NEGR1: variants seen among roughly 807,000 people sequenced by gnomAD.
The protein encoded by NEGR1 is neuronal growth regulator 1.
Under a neutral mutation model 40.9 loss-of-function variants are expected in NEGR1, and 10 were observed. The observed-to-expected ratio is 0.24, with a 90% confidence interval of 0.15 to 0.42. NEGR1 has a LOEUF of 0.42. Ranked by LOEUF, NEGR1 falls within the 10% of genes least tolerant of loss-of-function variation. The probability of loss-of-function intolerance (pLI) is 1.00; values close to 1 mark genes in which losing one functional copy is unlikely to be tolerated. For missense variants in NEGR1, 352 were observed against 438.9 expected (o/e 0.80, Z 1.77); for synonymous variants, 185 against 166.8 (o/e 1.11, Z -0.84).
intron 1 of NEGR1, among the ~76,000 whole-genome samples, chr1:72,264,637 T>C (rs1279988661): frequency 6.6e-6 from 1 of 150,702 alleles, no homozygotes; most frequent in African/African-American, 2.4e-5. Context: ...AACATATATA[T>C]GGAAACTAAA....
At chr1:72,112,497 T>C (rs1362448292) in intron 1 of NEGR1, among the ~76,000 whole-genome samples, 1 of 151,756 alleles carries the variant, frequency 6.6e-6, no homozygotes, top group Non-Finnish European at 1.5e-5. Flanking sequence ...TCTGAAACAA[T>C]GTATTATTTG....
chr1:71,922,293 G>A (rs1467402114), intron 2 of NEGR1, among the ~76,000 whole-genome samples: 2 of 152,150 alleles, frequency 1.3e-5, no homozygotes, highest in South Asian at 2.1e-4. Flanking sequence ...TCTCTTGCCA[G>A]TATCTCCCAT....
intron 2 of NEGR1, among the ~76,000 whole-genome samples, chr1:71,781,080 T>C (rs969397366): frequency 2.0e-5 from 3 of 152,326 alleles, no homozygotes; most frequent in Non-Finnish European, 2.9e-5. Flanking sequence ...TTCTGATGTA[T>C]AGAAATAAAT....
intron 3 of NEGR1, among the ~76,000 whole-genome samples, chr1:71,764,554 A>C (rs1269831137): frequency 6.6e-6 from 1 of 152,180 alleles, no homozygotes; most frequent in African/African-American, 2.4e-5. Context: ...CAGCAGAGAC[A>C]ACTCGCAACA....
intron 4 of NEGR1, among the ~76,000 whole-genome samples, chr1:71,651,466 T>C (rs1411671079): frequency 6.6e-6 from 1 of 152,180 alleles, no homozygotes; most frequent in Non-Finnish European, 1.5e-5. Flanking sequence ...CAGTATTATA[T>C]TGAGTTACTG....
intron 1 of NEGR1, among the ~76,000 whole-genome samples, chr1:72,046,754 C>A (rs1249108700): frequency 6.6e-6 from 1 of 151,528 alleles, no homozygotes; most frequent in Non-Finnish European, 1.5e-5. Context: ...ATAAAAATAG[C>A]TCAAATATGC....
intron 6 of NEGR1, among the ~76,000 whole-genome samples, chr1:71,530,468 C>T (rs1341135993): frequency 2.6e-5 from 4 of 151,284 alleles, no homozygotes; most frequent in Non-Finnish European, 5.9e-5. Context: ...GCTATAACCA[C>T]ATACTCTTTA....
chr1:71,819,891 C>G (rs1658363248), intron 2 of NEGR1, among the ~76,000 whole-genome samples: 1 of 151,900 alleles, frequency 6.6e-6, no homozygotes, highest in Non-Finnish European at 1.5e-5. Context: ...CAGAAGACAC[C>G]AAGGCCATTA....
At chr1:71,903,824 T>TTA (rs887685330) in intron 2 of NEGR1, among the ~76,000 whole-genome samples, 53 of 150,596 alleles carry the variant, frequency 3.5e-4, no homozygotes, top group Admixed American at 1.1e-3. Context: ...TCTCTCTCTA[T>TTA]TATATATATA....
chr1:71,746,563 T>A (rs1462222903), intron 3 of NEGR1, among the ~76,000 whole-genome samples: 1 of 150,254 alleles, frequency 6.7e-6, no homozygotes, highest in Non-Finnish European at 1.5e-5. Flanking sequence ...GAAATCTTCT[T>A]TTTTTTTTTC....
At chr1:72,200,008 C>A (rs547902992) in intron 1 of NEGR1, among the ~76,000 whole-genome samples, 1 of 151,776 alleles carries the variant, frequency 6.6e-6, no homozygotes, top group South Asian at 2.1e-4. Context: ...TGGTTATAAT[C>A]AAAACATCAA....
At chr1:72,246,849 G>C (rs1654919665) in intron 1 of NEGR1, among the ~76,000 whole-genome samples, 3 of 152,186 alleles carry the variant, frequency 2.0e-5, no homozygotes, top group African/African-American at 7.2e-5. Context: ...TGGACAAACA[G>C]GCTTTCTCAT....
At chr1:71,588,243 A>T (rs1415863446) in intron 6 of NEGR1, among the ~76,000 whole-genome samples, 1 of 152,138 alleles carries the variant, frequency 6.6e-6, no homozygotes, top group South Asian at 2.1e-4. Flanking sequence ...GAAGCAAAAA[A>T]CGCACTGAAA....
At chr1:71,712,048 G>T (rs1231533919) in intron 3 of NEGR1, among the ~76,000 whole-genome samples, 1 of 152,146 alleles carries the variant, frequency 6.6e-6, no homozygotes, top group Non-Finnish European at 1.5e-5. Flanking sequence ...TTGAAGGATA[G>T]CTGAGGGAAT....
chr1:72,257,053 T>G (rs1050218638), intron 1 of NEGR1, among the ~76,000 whole-genome samples: 3 of 152,148 alleles, frequency 2.0e-5, no homozygotes, highest in African/African-American at 7.2e-5. Flanking sequence ...CCGGGCGCGG[T>G]GGCTCACGCC....
At position 72,111,091 on chromosome 1, in the gene NEGR1, C is replaced by T. The variant is rs888129898; in HGVS notation, c.176+171228G>A. Among the ~76,000 whole-genome samples, 471 of 148,690 alleles carry T rather than the reference C, an allele frequency of 3.2e-3. 3 individuals carry two copies. Among genetic ancestry groups the T allele is most frequent in the East Asian group, 0.025 (125 of 5,064 alleles). Reference sequence around the variant, plus strand: ...ACATACACATATATATATATACACACACACACACACACACACACACGTATA... The same window carrying T: ...ACATACACATATATATATATACACATACACACACACACACACACACGTATA... On this transcript the variant is annotated intron_variant, in intron 1 of 6. Transcript: ENST00000357731.
At chr1:72,158,648 C>T (rs1349943287) in intron 1 of NEGR1, among the ~76,000 whole-genome samples, 1 of 152,140 alleles carries the variant, frequency 6.6e-6, no homozygotes, top group Non-Finnish European at 1.5e-5. Context: ...TTAAGTCAGA[C>T]AGAACTGGCA....
intron 2 of NEGR1, among the ~76,000 whole-genome samples, chr1:71,886,467 AAAAC>A (rs1167137951): frequency 6.6e-6 from 1 of 151,722 alleles, no homozygotes; most frequent in African/African-American, 2.4e-5. Flanking sequence ...GAAAAAAAAA[AAAAC>A]AAAGGAAGGA....
At chr1:71,426,536 T>A (rs1311110462) in intron 6 of NEGR1, among the ~76,000 whole-genome samples, 1 of 148,164 alleles carries the variant, frequency 6.7e-6, no homozygotes, top group Non-Finnish European at 1.5e-5. Context: ...TGGTATTTCA[T>A]CTTATCATAT....
Sources: allele counts gnomAD v4.1 joint callset (sites outside exome capture counted in the v4.1 genomes callset), GRCh38; gene constraint gnomAD v4.1.1; transcripts MANE v1.5; gene names NCBI Gene and HGNC (gene_info 2026-07-23, HGNC 2026-07-21).